NRXN3: variants seen among roughly 807,000 people sequenced by gnomAD.
The protein encoded by NRXN3 is neurexin III.
NRXN3 carries 32 observed loss-of-function variants against 137.6 expected under a neutral mutation model. That is an observed-to-expected ratio of 0.23 (90% CI 0.18 to 0.31). NRXN3 has a LOEUF of 0.31. NRXN3 is among the 10% of genes least tolerant of loss of function. NRXN3 has a pLI of 1.00. For missense variants in NRXN3, 1,574 were observed against 2,062.5 expected (o/e 0.76, Z 4.59); for synonymous variants, 798 against 784.5 (o/e 1.02, Z -0.29).
In NRXN3 at chr14:78,966,343, A is replaced by C; in HGVS notation, c.2714A>C (p.Asp905Ala). The C allele has an allele frequency of 1.2e-6, 2 of 1,614,184 alleles. No individual in the cohort carries two copies. The highest frequency in any genetic ancestry group is 1.7e-6 in the Non-Finnish European group (2 of 1,180,034). The change falls in exon 12 of 21, where the codon GAT (aspartate) becomes GCT (alanine). Residue 905 changes from aspartate to alanine, a missense_variant. Asp to Ala is a moderately radical substitution (Grantham distance 126, BLOSUM62 -2). This residue lies in a region of NRXN3 where 718 missense variants were observed against 887.6 expected (regional missense o/e 0.81). Coordinates refer to ENST00000335750, the MANE Select transcript of NRXN3 (RefSeq NM_001330195.2). Reference protein sequence around the residue: ...LFFQFKTTSPDGFILFNSGDG... With the variant: ...LFFQFKTTSPAGFILFNSGDG... ...TTCCAGTTCAAGACCACCTCACCAG[A>C]TGGCTTCATTCTCTTCAATAGTGGT...
intron 15 of NRXN3, among the ~76,000 whole-genome samples, chr14:79,409,375 A>T (rs1034956009): frequency 4.0e-5 from 6 of 151,406 alleles, no homozygotes; most frequent in South Asian, 2.1e-4. Context: ...GCACATGTAC[A>T]TATTTATCTG....
chr14:78,487,572 G>A (rs2366100), intron 4 of NRXN3, among the ~76,000 whole-genome samples: 133,455 of 151,816 alleles, frequency 0.88, 60,165 homozygotes, highest in Non-Finnish European at 0.98. Context: ...GTGAAACCCC[G>A]TCTCTACTAA....
At chr14:78,509,341 A>T (rs2096060459) in intron 4 of NRXN3, among the ~76,000 whole-genome samples, 1 of 152,098 alleles carries the variant, frequency 6.6e-6, no homozygotes, top group Non-Finnish European at 1.5e-5. Flanking sequence ...CTGAGTTCTC[A>T]TCTACTGGAA....
chr14:79,009,745 G>T (rs1298877269), intron 15 of NRXN3, among the ~76,000 whole-genome samples: 1 of 152,104 alleles, frequency 6.6e-6, no homozygotes, highest in Non-Finnish European at 1.5e-5. Context: ...GAATCCTTCA[G>T]TCTCTGTTGC....
At chr14:78,305,353 T>G (rs1055004778) in intron 4 of NRXN3, among the ~76,000 whole-genome samples, 14 of 151,958 alleles carry the variant, frequency 9.2e-5, no homozygotes, top group Non-Finnish European at 1.9e-4. Context: ...CTCTACAGAG[T>G]TTTGTATTCA....
chr14:79,020,352 G>A (rs140156272), intron 15 of NRXN3, among the ~76,000 whole-genome samples: 119 of 149,690 alleles, frequency 7.9e-4, no homozygotes, highest in African/African-American at 2.7e-3. Context: ...CGCAACCTCC[G>A]CTTCCCAGGT....
chr14:78,317,773 A>G (rs542925661), intron 4 of NRXN3, among the ~76,000 whole-genome samples: 1 of 152,300 alleles, frequency 6.6e-6, no homozygotes, highest in South Asian at 2.1e-4. Flanking sequence ...TACACTTCAC[A>G]AGTCTACCCC....
chr14:79,319,652 A>G (rs1199534940), intron 15 of NRXN3, among the ~76,000 whole-genome samples: 2 of 152,220 alleles, frequency 1.3e-5, no homozygotes, highest in South Asian at 2.1e-4. Context: ...CACTGGTGAT[A>G]TAGAGCCTTT....
chr14:78,188,110 G>C (rs2060395014), intron 1 of NRXN3, among the ~76,000 whole-genome samples: 1 of 152,152 alleles, frequency 6.6e-6, no homozygotes. Context: ...TGGATTAAAT[G>C]GCTCATGGCT....
At chr14:79,190,033 C>T (rs2064074761) in intron 15 of NRXN3, among the ~76,000 whole-genome samples, 1 of 152,082 alleles carries the variant, frequency 6.6e-6, no homozygotes, top group Non-Finnish European at 1.5e-5. Flanking sequence ...TGATATTGGA[C>T]ATTCTTCAAA....
At chr14:79,226,762 T>A (rs1050324414) in intron 15 of NRXN3, among the ~76,000 whole-genome samples, 1 of 151,942 alleles carries the variant, frequency 6.6e-6, no homozygotes, top group Non-Finnish European at 1.5e-5. Flanking sequence ...AGTTTTCCAA[T>A]GCAGATTTCA....
chr14:79,847,705 G>A (rs533576821), intron 20 of NRXN3, among the ~76,000 whole-genome samples: 1 of 152,254 alleles, frequency 6.6e-6, no homozygotes, highest in African/African-American at 2.4e-5. Flanking sequence ...AGGCCAAAGG[G>A]AGAATTCTCC....
At chr14:79,280,628 ATTT>A in intron 15 of NRXN3, 2 of 1,253,218 alleles carry the variant, frequency 1.6e-6, no homozygotes, top group Admixed American at 2.2e-5. Context: ...TGGGAAGGGA[ATTT>A]AAAAAAAATG....
intron 8 of NRXN3, among the ~76,000 whole-genome samples, chr14:78,771,376 A>T (rs2098727268): frequency 6.6e-6 from 1 of 152,104 alleles, no homozygotes; most frequent in Non-Finnish European, 1.5e-5. Context: ...TTTATCTCCT[A>T]ATAGGGGCCC....
rs181651627 is a variant in NRXN3, at chr14:78,263,942, A to G, written c.710-14703A>G. On this transcript the variant is annotated intron_variant, in intron 2 of 20. Coordinates refer to ENST00000335750, the MANE Select transcript of NRXN3 (RefSeq NM_001330195.2). ...GTGTGTGTGTTTTCCTGACAGGTCT[A>G]ATTTTTTTCCGGGTCAGTTTTTGCA... 2.5e-3 allele frequency among the ~76,000 whole-genome samples: 351 copies of G among 138,244 alleles called. 2 individuals carry two copies. Among genetic ancestry groups the G allele is most frequent in the African/African-American group, 8.7e-3 (314 of 36,208 alleles). 90.7% of individuals were successfully genotyped at this position (138,244 alleles called of 152,430 possible). A position where few individuals can be genotyped will look rare whatever the true frequency, so the allele number is the denominator to read the frequency against.
chr14:78,680,831 A>T (rs1467329838), intron 6 of NRXN3, among the ~76,000 whole-genome samples: 1 of 152,154 alleles, frequency 6.6e-6, no homozygotes, highest in Non-Finnish European at 1.5e-5. Context: ...TACCTCCTGA[A>T]CTAGCATGTC....
intron 4 of NRXN3, among the ~76,000 whole-genome samples, chr14:78,313,688 C>A (rs1016539109): frequency 2.6e-5 from 4 of 152,038 alleles, no homozygotes; most frequent in African/African-American, 9.7e-5. Context: ...ACCATCATTT[C>A]AATTAATTTC....
chr14:78,342,548 T>C (rs1236049411), intron 4 of NRXN3, among the ~76,000 whole-genome samples: 1 of 152,240 alleles, frequency 6.6e-6, no homozygotes, highest in African/African-American at 2.4e-5. Context: ...GATTAAATGT[T>C]CTCTCAGCAA....
chr14:78,591,106 A>G, intron 4 of NRXN3, among the ~76,000 whole-genome samples: 1 of 152,140 alleles, frequency 6.6e-6, no homozygotes, highest in East Asian at 1.9e-4. Flanking sequence ...AGATCTACTT[A>G]ACAGGAAGTA....
Sources: gnomAD v4.1 joint callset for allele counts (sites outside exome capture counted in the v4.1 genomes callset) on GRCh38, gnomAD v4.1.1 for gene constraint, gnomAD v4.1.1 regional missense constraint, MANE v1.5 for transcripts, NCBI Gene and HGNC (gene_info 2026-07-23, HGNC 2026-07-21) for gene names.